Variants in DGKB observed in about 807,000 individuals in gnomAD.
The protein encoded by DGKB is diacylglycerol kinase beta, also known as 90 kDa diacylglycerol kinase.
Under a neutral mutation model 114.3 loss-of-function variants are expected in DGKB, and 67 were observed. The ratio of observed to expected loss-of-function variants is 0.59; its 90% confidence interval spans 0.48 to 0.72. The LOEUF is 0.72. DGKB is among the 30% of genes least tolerant of loss of function. The pLI is 0.00. For missense variants in DGKB, 907 were observed against 975.2 expected (o/e 0.93, Z 0.93); for synonymous variants, 398 against 323.1 (o/e 1.23, Z -2.49).
At chr7:14,645,959 G>C (rs1305254888) in intron 13 of DGKB, among the ~76,000 whole-genome samples, 2 of 152,096 alleles carry the variant, frequency 1.3e-5, no homozygotes, top group Admixed American at 1.3e-4. Flanking sequence ...AAGAGAGAAA[G>C]AGAGAAACAA....
chr7:14,691,541 C>T (rs1005689284), intron 9 of DGKB, among the ~76,000 whole-genome samples: 1 of 152,142 alleles, frequency 6.6e-6, no homozygotes, highest in Non-Finnish European at 1.5e-5. Context: ...GTCTTGGTGT[C>T]ATTCTTGCTT....
chr7:14,928,546 T>C (rs2128249856), intron 1 of DGKB, among the ~76,000 whole-genome samples: 1 of 152,140 alleles, frequency 6.6e-6, no homozygotes, highest in South Asian at 2.1e-4. Context: ...ATCCTACTGT[T>C]ATCTGCAATC....
intron 1 of DGKB, chr7:14,974,627 T>TA (rs757548172): frequency 5.3e-5 from 8 of 152,130 alleles, no homozygotes; most frequent in Non-Finnish European, 1.2e-4. Context: ...GTTATAATGA[T>TA]AAAACCATGC....
At chr7:14,640,980 T>C (rs1811663967) in intron 13 of DGKB, among the ~76,000 whole-genome samples, 1 of 152,128 alleles carries the variant, frequency 6.6e-6, no homozygotes, top group South Asian at 2.1e-4. Context: ...TGCTATTAGC[T>C]CTAGATATAT....
intron 21 of DGKB, among the ~76,000 whole-genome samples, chr7:14,413,508 T>G (rs1485587693): frequency 2.0e-5 from 3 of 152,136 alleles, no homozygotes; most frequent in Non-Finnish European, 4.4e-5. Context: ...ATATAAAAGT[T>G]ACGAGGTTAC....
intron 1 of DGKB, among the ~76,000 whole-genome samples, chr7:14,937,139 T>A (rs147378158): frequency 8.2e-4 from 125 of 152,162 alleles, no homozygotes; most frequent in African/African-American, 2.9e-3. Flanking sequence ...AATACATGTC[T>A]TCATGGCTTT....
chr7:14,723,528 T>G (rs1011465342), intron 5 of DGKB, among the ~76,000 whole-genome samples: 3 of 152,048 alleles, frequency 2.0e-5, no homozygotes, highest in Non-Finnish European at 2.9e-5. Context: ...CTTTAAATAT[T>G]TCATCACAAA....
chr7:14,863,996 G>C (rs1193530150), intron 1 of DGKB, among the ~76,000 whole-genome samples: 1 of 151,822 alleles, frequency 6.6e-6, no homozygotes, highest in East Asian at 1.9e-4. Context: ...CTACTAGGGA[G>C]GCTGAGGCAG....
chr7:14,843,216 TA>T (rs58201538), intron 1 of DGKB, among the ~76,000 whole-genome samples: 4,025 of 125,658 alleles, frequency 0.032, 68 homozygotes, highest in East Asian at 0.12. Context: ...GATTCTGTCT[TA>T]AAAAAAAAAA....
At chr7:14,926,493 G>GT (rs1194605632) in intron 1 of DGKB, among the ~76,000 whole-genome samples, 1 of 147,324 alleles carries the variant, frequency 6.8e-6, no homozygotes, top group African/African-American at 2.5e-5. Flanking sequence ...TATGTTTAGT[G>GT]TTTTTTGTTT....
At chr7:14,616,298 A>G (rs1448874470) in intron 15 of DGKB, among the ~76,000 whole-genome samples, 1 of 150,708 alleles carries the variant, frequency 6.6e-6, no homozygotes, top group South Asian at 2.1e-4. Flanking sequence ...AGTTTTGTGG[A>G]AAAAAACTAT....
chr7:14,396,753 C>T (rs931566440), intron 21 of DGKB, among the ~76,000 whole-genome samples: 2 of 152,048 alleles, frequency 1.3e-5, no homozygotes, highest in African/African-American at 2.4e-5. Flanking sequence ...TGCTTCAATC[C>T]ACACCAAGCT....
intron 1 of DGKB, among the ~76,000 whole-genome samples, chr7:14,874,866 G>A (rs764719192): frequency 1.3e-5 from 2 of 152,116 alleles, no homozygotes; most frequent in African/African-American, 2.4e-5. Flanking sequence ...AAATATTCAA[G>A]TTGGTTTTCC....
At chr7:14,597,270 T>C (rs1049993839) in intron 17 of DGKB, among the ~76,000 whole-genome samples, 21 of 152,054 alleles carry the variant, frequency 1.4e-4, no homozygotes, top group Admixed American at 5.2e-4. Context: ...GGTAACTAAA[T>C]GAAAAATACA....
At position 14,607,473 on chromosome 7, in the gene DGKB, C is replaced by T. The variant is rs751382500; in HGVS notation, c.1394G>A (p.Arg465His). The change falls in exon 17 of 26, where the codon CGT (arginine) becomes CAT (histidine). Residue 465 changes from arginine to histidine, a missense_variant. Coordinates refer to ENST00000402815, the MANE Select transcript of DGKB (RefSeq NM_001350709.2). ...YRKFQYLLNP[R>H]QVYSLSGNGP... ...ATTTCCAGAAAGACTGTAAACCTGACGAGGATTTAATAGATACTGGAATTT... is the reference window on the plus strand; with the variant it reads ...ATTTCCAGAAAGACTGTAAACCTGATGAGGATTTAATAGATACTGGAATTT... 13 of 1,588,168 alleles carry T rather than the reference C, an allele frequency of 8.2e-6. No homozygotes were observed. Among genetic ancestry groups the T allele is most frequent in the African/African-American group, 1.4e-5 (1 of 73,890 alleles).
intron 13 of DGKB, among the ~76,000 whole-genome samples, chr7:14,658,114 AGAG>A (rs941801450): frequency 1.1e-4 from 16 of 152,078 alleles, no homozygotes; most frequent in African/African-American, 1.9e-4. Flanking sequence ...GATCGGAAGA[AGAG>A]GAGAAGTTAA....
intron 13 of DGKB, among the ~76,000 whole-genome samples, chr7:14,634,356 G>A (rs941941219): frequency 6.6e-6 from 1 of 151,210 alleles, no homozygotes; most frequent in African/African-American, 2.4e-5. Flanking sequence ...AGTTGCAAGA[G>A]GAGACTTTTT....
chr7:14,820,708 T>A (rs184408366), intron 2 of DGKB, among the ~76,000 whole-genome samples: 62 of 152,250 alleles, frequency 4.1e-4, no homozygotes, highest in African/African-American at 1.5e-3. Flanking sequence ...ATATATGAAA[T>A]GCTATGGAGG....
intron 23 of DGKB, among the ~76,000 whole-genome samples, chr7:14,325,891 T>A (rs373785460): frequency 6.6e-6 from 1 of 152,164 alleles, no homozygotes; most frequent in Non-Finnish European, 1.5e-5. Context: ...TGGGTAGCTT[T>A]GTGCATATTT....
Sources: allele counts gnomAD v4.1 joint callset (sites outside exome capture counted in the v4.1 genomes callset), GRCh38; gene constraint gnomAD v4.1.1; transcripts MANE v1.5; gene names NCBI Gene and HGNC (gene_info 2026-07-23, HGNC 2026-07-21).